CWC27: variants seen among roughly 807,000 people sequenced by gnomAD.
The protein encoded by CWC27 is spliceosome-associated protein CWC27 homolog.
A neutral mutation model predicts 63.6 loss-of-function variants in CWC27; 47 were observed. That is an observed-to-expected ratio of 0.74 (90% CI 0.58 to 0.94). The LOEUF (loss-of-function observed/expected upper bound fraction) is 0.94, where lower values mean the gene tolerates loss of function less well. Among genes scored for constraint, CWC27 ranks in the 40% least tolerant of loss-of-function variants. The probability of loss-of-function intolerance (pLI) is 0.00; values close to 1 mark genes in which losing one functional copy is unlikely to be tolerated. For missense variants in CWC27, 495 were observed against 554.3 expected (o/e 0.89, Z 1.07); for synonymous variants, 175 against 179.8 (o/e 0.97, Z 0.22).
intron 13 of CWC27, among the ~76,000 whole-genome samples, chr5:64,989,503 G>A (rs1749495816): frequency 6.6e-6 from 1 of 152,216 alleles, no homozygotes; most frequent in Admixed American, 6.5e-5. Flanking sequence ...CTTGGGAAAA[G>A]CACTGTGCCT....
In CWC27 at chr5:64,781,921, C is replaced by A. The variant is rs368081814; in HGVS notation, c.140C>A (p.Ala47Asp). Residue 47 changes from alanine (A) to aspartate (D), a missense_variant and splice_region_variant, in exon 3 of 14, where the codon GCT becomes GAT. Coordinates refer to ENST00000381070, the MANE Select transcript of CWC27 (RefSeq NM_005869.4). ...TAAATTATTTTTATTTTTTTTTCAG[C>A]TTATTATGACAATACCATTTTTCAT... ...CRNFIQLCLEAYYDNTIFHRV... is the reference protein window; with the variant it reads ...CRNFIQLCLEDYYDNTIFHRV... 4.0e-6 allele frequency: 6 copies of A among 1,490,882 alleles called. No individual in the cohort carries two copies. Among genetic ancestry groups the A allele is most frequent in the Non-Finnish European group, 3.7e-6 (4 of 1,086,496 alleles). 92.4% of individuals were successfully genotyped at this position (1,490,882 alleles called of 1,614,324 possible).
chr5:64,893,764 AGTTT>A (rs1178111500), intron 11 of CWC27, among the ~76,000 whole-genome samples: 1 of 152,190 alleles, frequency 6.6e-6, no homozygotes, highest in African/African-American at 2.4e-5. Flanking sequence ...CCAGAATGTA[AGTTT>A]GTTTAAAACA....
chr5:64,882,883 A>G (rs1746978580), intron 10 of CWC27, among the ~76,000 whole-genome samples: 1 of 152,208 alleles, frequency 6.6e-6, no homozygotes, highest in Non-Finnish European at 1.5e-5. Context: ...GGCGTGAGCC[A>G]CCACACCCGG....
chr5:64,891,887 C>T (rs889928483), intron 11 of CWC27, among the ~76,000 whole-genome samples: 3 of 151,906 alleles, frequency 2.0e-5, no homozygotes, highest in African/African-American at 4.8e-5. Context: ...CTCCACCTCC[C>T]GGGTTCAAGC....
At chr5:64,891,474 G>A (rs998547820) in intron 11 of CWC27, among the ~76,000 whole-genome samples, 1 of 152,048 alleles carries the variant, frequency 6.6e-6, no homozygotes, top group Admixed American at 6.5e-5. Flanking sequence ...AAGGTCTGTA[G>A]CAAATATGAA....
rs1361871942 is a variant in CWC27, at chr5:64,971,739, A to G, written c.1079A>G (p.Tyr360Cys). ...CCTCCAGATGGTGCTGTTGCCGAAT[A>G]CAGAAGAGAAAAGCAAAAGTATGAA... is the stretch of plus-strand genomic sequence containing the variant. ...EAPPDGAVAEYRREKQKYEAL... is the reference protein window; with the variant it reads ...EAPPDGAVAECRREKQKYEAL... The change falls in exon 12 of 14, where the codon TAC becomes TGC. Residue 360 changes from tyrosine to cysteine, a missense_variant. By Grantham distance (194) the Tyr-to-Cys change is radical (BLOSUM62 -2). This residue lies in a region of CWC27 where 463 missense variants were observed against 498.1 expected (regional missense o/e 0.93). Transcript: ENST00000381070. The G allele has an allele frequency of 1.9e-6, 3 of 1,611,402 alleles. No homozygotes were observed. Among genetic ancestry groups the G allele is most frequent in the African/African-American group, 2.7e-5 (2 of 74,644 alleles).
rs537789519 is a variant in CWC27, at chr5:64,829,250, A to G, written c.938+24864A>G. Among the ~76,000 whole-genome samples the G allele has an allele frequency of 7.2e-5, 11 of 152,278 alleles. No individual in the cohort carries two copies. The South Asian group carries it at 1.9e-3, about 26-fold the overall frequency. ...ATTATTTGTTAGGTCCAGGAAATTCAGTCAATTTCCAATTTTAGAATTAAT... is the reference window on the plus strand; with the variant it reads ...ATTATTTGTTAGGTCCAGGAAATTCGGTCAATTTCCAATTTTAGAATTAAT... On this transcript the variant is annotated intron_variant, in intron 10 of 13. Coordinates refer to ENST00000381070, the MANE Select transcript of CWC27 (RefSeq NM_005869.4).
chr5:64,899,342 C>G (rs916137729), intron 11 of CWC27, among the ~76,000 whole-genome samples: 6 of 152,160 alleles, frequency 3.9e-5, no homozygotes, highest in African/African-American at 1.4e-4. Flanking sequence ...ATAGATTCAT[C>G]TCTATATGCC....
chr5:64,953,506 G>A (rs923608538), intron 11 of CWC27, among the ~76,000 whole-genome samples: 4 of 151,946 alleles, frequency 2.6e-5, no homozygotes, highest in Non-Finnish European at 4.4e-5. Flanking sequence ...CAGTGAGAAC[G>A]TGTCTGTAAT....
At chr5:64,902,972 T>A (rs1747541802) in intron 11 of CWC27, among the ~76,000 whole-genome samples, 1 of 152,234 alleles carries the variant, frequency 6.6e-6, no homozygotes, top group South Asian at 2.1e-4. Flanking sequence ...TACATTTTTA[T>A]GCTACCATAA....
chr5:64,834,625 A>G (rs1269478405), intron 10 of CWC27, among the ~76,000 whole-genome samples: 2 of 151,672 alleles, frequency 1.3e-5, no homozygotes, highest in African/African-American at 4.8e-5. Flanking sequence ...TCTTAACTGT[A>G]TTTTTACTGA....
intron 11 of CWC27, among the ~76,000 whole-genome samples, chr5:64,960,051 C>A (rs775487062): frequency 2.0e-5 from 3 of 152,092 alleles, no homozygotes; most frequent in Non-Finnish European, 2.9e-5. Context: ...ACTGAGTAAA[C>A]CCACTGTTTG....
At chr5:64,803,961 T>C (rs1413818097) in intron 9 of CWC27, among the ~76,000 whole-genome samples, 2 of 152,056 alleles carry the variant, frequency 1.3e-5, no homozygotes, top group Non-Finnish European at 2.9e-5. Context: ...GAGGGAGAAG[T>C]CTGCTGCACA....
intron 7 of CWC27, among the ~76,000 whole-genome samples, chr5:64,789,875 C>T (rs890642185): frequency 1.3e-5 from 2 of 152,042 alleles, no homozygotes; most frequent in South Asian, 4.1e-4. Context: ...AACCTATAAG[C>T]CTTACTTGCT....
chr5:65,018,417 A>C lies in CWC27; in HGVS notation c.*96A>C. 9.2e-7 allele frequency: 1 copy of C among 1,083,762 alleles called. No homozygotes were observed. Among genetic ancestry groups the C allele is most frequent in the Non-Finnish European group, 1.3e-6 (1 of 784,002 alleles). 67.1% of individuals were successfully genotyped at this position (1,083,762 alleles called of 1,614,324 possible). The stretch of plus-strand genomic sequence containing the variant: ...AACAGCATCACTTAGGGGTGTGAAA[A>C]GAAGTATTTTTGAACCTGTTGTCTG... On this transcript the variant is annotated 3_prime_UTR_variant, in exon 14 of 14. Coordinates refer to ENST00000381070, the MANE Select transcript of CWC27 (RefSeq NM_005869.4).
intron 10 of CWC27, among the ~76,000 whole-genome samples, chr5:64,826,186 T>C (rs1561424189): frequency 1.3e-5 from 2 of 152,204 alleles, no homozygotes; most frequent in South Asian, 4.1e-4. Flanking sequence ...ACTGACAAAA[T>C]TGTGTTCTCA....
At chr5:65,013,247 GCTGAGC>G (rs1410235674) in intron 13 of CWC27, among the ~76,000 whole-genome samples, 3 of 152,186 alleles carry the variant, frequency 2.0e-5, no homozygotes, top group Non-Finnish European at 4.4e-5. Context: ...AGAGACTTAT[GCTGAGC>G]CTGAGACTTT....
chr5:64,843,339 G>C (rs560834426), intron 10 of CWC27, among the ~76,000 whole-genome samples: 3 of 152,170 alleles, frequency 2.0e-5, no homozygotes, highest in Non-Finnish European at 4.4e-5. Context: ...CACAACAATA[G>C]AAAAAGTTAA....
At chr5:64,796,746 T>C (rs1744280401) in intron 7 of CWC27, among the ~76,000 whole-genome samples, 7 of 79,052 alleles carry the variant, frequency 8.9e-5, no homozygotes, top group African/African-American at 1.8e-4. Context: ...CCCTTCCTCC[T>C]CCCTCCCTCC....
Sources: gnomAD v4.1 joint callset for allele counts (sites outside exome capture counted in the v4.1 genomes callset) on GRCh38, gnomAD v4.1.1 for gene constraint, gnomAD v4.1.1 regional missense constraint, MANE v1.5 for transcripts, NCBI Gene and HGNC (gene_info 2026-07-23, HGNC 2026-07-21) for gene names.